The following IL4I1 variants were observed in gnomAD, a reference collection of about 807,000 sequenced individuals.
The protein encoded by IL4I1 is L-amino-acid oxidase.
IL4I1 carries 24 observed loss-of-function variants against 29.7 expected under a neutral mutation model. The observed-to-expected ratio is 0.81, with a 90% confidence interval of 0.59 to 1.14. IL4I1 has a LOEUF of 1.14. Ranked by LOEUF, IL4I1 falls within the 50% of genes most tolerant of loss-of-function variation. The pLI, the probability that IL4I1 is intolerant of heterozygous loss-of-function variation, is 0.00. For synonymous variants in IL4I1, 371 were observed against 352.5 expected, an observed-to-expected ratio of 1.05 and a Z score of -0.59; for missense variants, 686 against 785.6, an observed-to-expected ratio of 0.87 and a Z score of 1.52.
intron 2 of IL4I1, chr19:49,912,974 C>T (rs2075514758): frequency 6.6e-6 from 1 of 151,904 alleles, no homozygotes; most frequent in Non-Finnish European, 1.5e-5. Flanking sequence ...GCTGGTTAAG[C>T]CACGGTCCCT....
rs560392469 is a variant in IL4I1, at chr19:49,921,570, C to G, written c.-228+6124G>C. ...TCGCCAACCCCCATACGTTCCTGCTCTGTGGTAGGTCAGGAAGAAGAGGGC... is the reference window on the plus strand; with the variant it reads ...TCGCCAACCCCCATACGTTCCTGCTGTGTGGTAGGTCAGGAAGAAGAGGGC... On this transcript the variant is annotated intron_variant, in intron 2 of 9. Transcript: ENST00000341114. The surrounding 1 kb of genome is among the most constrained non-coding windows in gnomAD (Gnocchi z 5.4). Among the ~76,000 whole-genome samples, 2 of 152,322 alleles carry G rather than the reference C, an allele frequency of 1.3e-5. No homozygotes were observed. The highest frequency in any genetic ancestry group is 3.9e-4 in the East Asian group (2 of 5,180).
At chr19:49,912,424 C>A (rs989253786) in intron 2 of IL4I1, among the ~76,000 whole-genome samples, 1 of 152,174 alleles carries the variant, frequency 6.6e-6, no homozygotes, top group African/African-American at 2.4e-5. Context: ...TTGCCTCGGC[C>A]TCCCAAAGTG....
intron 2 of IL4I1, among the ~76,000 whole-genome samples, chr19:49,925,101 A>G (rs1300121878): frequency 1.3e-5 from 2 of 151,982 alleles, no homozygotes; most frequent in African/African-American, 4.8e-5. Context: ...GTCTCTACTA[A>G]AAATACAAAA....
chr19:49,908,914 C>T lies in IL4I1; in HGVS notation c.-227-4593G>A, dbSNP rs370852613. 3.9e-4 allele frequency: 623 copies of T among 1,607,416 alleles called. No individual in the cohort carries two copies. The highest frequency in any genetic ancestry group is 5.0e-4 in the Middle Eastern group (3 of 6,000). On this transcript the variant is annotated intron_variant, in intron 2 of 9. Transcript: ENST00000341114. The stretch of plus-strand genomic sequence containing the variant: ...CTGTATTGCTGGGGATCCCGGCTGG[C>T]GCCAGTGGTTTTAAATTCAAGGCAA...
chr19:49,917,399 C>T (rs986058192), intron 2 of IL4I1, among the ~76,000 whole-genome samples: 7 of 152,210 alleles, frequency 4.6e-5, no homozygotes, highest in Non-Finnish European at 7.3e-5. Context: ...CTTTCCTTTG[C>T]GTCAAAGAAA....
At chr19:49,913,556 C>G (rs1364152006) in intron 2 of IL4I1, among the ~76,000 whole-genome samples, 1 of 152,252 alleles carries the variant, frequency 6.6e-6, no homozygotes, top group Non-Finnish European at 1.5e-5. Flanking sequence ...GTAAGCGTTA[C>G]CACACGCTGT....
chr19:49,905,428 G>A (rs2075309582), intron 2 of IL4I1, among the ~76,000 whole-genome samples: 1 of 152,038 alleles, frequency 6.6e-6, no homozygotes, highest in African/African-American at 2.4e-5. Context: ...GACAATATGA[G>A]TCAAGGCCTA....
chr19:49,910,239 G>A (rs1168629812), intron 2 of IL4I1, among the ~76,000 whole-genome samples: 1 of 152,100 alleles, frequency 6.6e-6, no homozygotes, highest in East Asian at 1.9e-4. Context: ...AACAGCTGTA[G>A]GACCTGCTCC....
Position 49,890,126 on chromosome 19 carries a change from C to T in IL4I1, c.1248G>A (p.Leu416=). The change falls in exon 8 of 8, where the codon TTG becomes TTA. Residue 416 remains leucine, a synonymous_variant. Coordinates refer to ENST00000391826, the MANE Select transcript of IL4I1 (RefSeq NM_152899.2). ...CCGCCACGTCGTCGAGCGCCAAGCG[C>T]AACGCCTCTTCCCGGCTCAAGCCGG... ...AFAGLSREEA[L]RLALDDVAAL... 6.5e-7 allele frequency: 1 copy of T among 1,543,426 alleles called. No homozygotes were observed.
upstream of IL4I1, among the ~76,000 whole-genome samples, chr19:49,901,074 G>A (rs1482348153): frequency 1.3e-5 from 2 of 152,138 alleles, no homozygotes; most frequent in African/African-American, 4.8e-5. Context: ...AAGACCCTAA[G>A]TGGTCAGTAT....
At position 49,889,949 on chromosome 19, in the gene IL4I1, G is replaced by A. The variant is rs781407372; in HGVS notation, c.1425C>T (p.Arg475=). Residue 475 remains arginine, a synonymous_variant, in exon 8 of 8, where the codon CGC becomes CGT. Coordinates refer to ENST00000391826, the MANE Select transcript of IL4I1 (RefSeq NM_152899.2). ...EKDDWTVPYG[R]IYFAGEHTAY... is the part of the protein sequence containing the mutation. Reference sequence around the variant, plus strand: ...CGGTGTGCTCGCCGGCAAAGTAGATGCGGCCATAAGGGACCGTCCAGTCAT... The same window carrying A: ...CGGTGTGCTCGCCGGCAAAGTAGATACGGCCATAAGGGACCGTCCAGTCAT... 1.3e-4 allele frequency: 215 copies of A among 1,597,368 alleles called. No homozygotes were observed. The highest frequency in any genetic ancestry group is 1.8e-4 in the Non-Finnish European group (208 of 1,172,530).
At chr19:49,893,467 G>A (rs1196238577) in intron 5 of IL4I1, among the ~76,000 whole-genome samples, 1 of 151,998 alleles carries the variant, frequency 6.6e-6, no homozygotes, top group African/African-American at 2.4e-5. Flanking sequence ...TCGTGAGATG[G>A]GGGCACCGGG....
At chr19:49,909,255 G>A in intron 2 of IL4I1, 1 of 1,614,108 alleles carries the variant, frequency 6.2e-7, no homozygotes. Context: ...AACGTGGCAG[G>A]TGCCGTGGGC....
chr19:49,907,927 A>G, intron 2 of IL4I1: 1 of 489,442 alleles, frequency 2.0e-6, no homozygotes, highest in East Asian at 4.1e-5. Flanking sequence ...GCTGGGACCA[A>G]GACCATCAGC....
At chr19:49,900,831 T>A (rs2075264714), upstream of IL4I1, among the ~76,000 whole-genome samples, 1 of 152,212 alleles carries the variant, frequency 6.6e-6, no homozygotes, top group Non-Finnish European at 1.5e-5. Flanking sequence ...TCCTCCCAGA[T>A]AATGGTCTTT....
rs148055380 is a variant in IL4I1 at position 49,890,525 on chromosome 19, C to T, written c.849G>A (p.Leu283=). 5.2e-4 allele frequency: 836 copies of T among 1,609,112 alleles called. No homozygotes were observed. The highest frequency in any genetic ancestry group is 6.9e-4 in the Non-Finnish European group (814 of 1,179,352). Residue 283 remains leucine, a synonymous_variant, in exon 8 of 8, where the codon TTG becomes TTA. Transcript: ENST00000391826. ...GGGTCATCGCCACCACGGGCGCGTT[C>T]AACAGCACAAGCCCGGACAGCGAGC... The part of the protein sequence containing the change: ...LLSSLSGLVL[L]NAPVVAMTQG...
At chr19:49,927,114 G>A (rs1218304945) in intron 2 of IL4I1, among the ~76,000 whole-genome samples, 1 of 152,112 alleles carries the variant, frequency 6.6e-6, no homozygotes, top group East Asian at 1.9e-4. Context: ...GCCCACCTCA[G>A]CCTCCCAGGG....
At chr19:49,890,654 C>T in intron 7 of IL4I1, 54 bp from the exon 8 acceptor site, 3 of 1,417,454 alleles carry the variant, frequency 2.1e-6, no homozygotes, top group South Asian at 1.4e-5. Flanking sequence ...GCGGCCCTGC[C>T]CCTCTGCCTT....
intron 2 of IL4I1, among the ~76,000 whole-genome samples, chr19:49,926,984 T>A (rs2075910090): frequency 1.3e-5 from 2 of 152,036 alleles, no homozygotes; most frequent in South Asian, 4.2e-4. Context: ...CTTAGCCTCA[T>A]GAGTAGCTGG....
Sources: allele counts gnomAD v4.1 joint callset (sites outside exome capture counted in the v4.1 genomes callset), GRCh38; gene constraint gnomAD v4.1.1; non-coding constraint Gnocchi (gnomAD v3.1); transcripts MANE v1.5; gene names NCBI Gene and HGNC (gene_info 2026-07-23, HGNC 2026-07-21).